The following CNKSR2 variants were observed in gnomAD, a reference collection of about 807,000 sequenced individuals.
CNKSR2 encodes the protein CNK homolog protein 2.
CNKSR2 carries 14 observed loss-of-function variants against 84.4 expected under a neutral mutation model. The observed-to-expected ratio is 0.17, with a 90% CI of 0.11 to 0.26. The LOEUF (loss-of-function observed/expected upper bound fraction) is 0.26. Ranked by LOEUF, CNKSR2 falls within the 10% of genes least tolerant of loss-of-function variation. The pLI is 1.00. For missense variants in CNKSR2, 485 were observed against 771.2 expected, an observed-to-expected ratio of 0.63 and a Z score of 4.40; for synonymous variants, 275 against 277.9, an observed-to-expected ratio of 0.99 and a Z score of 0.10.
At chrX:21,375,519 G>A (rs1181963329) in intron 1 of CNKSR2, among the ~76,000 whole-genome samples, 3 of 112,266 alleles carry the variant, frequency 2.7e-5, no homozygotes, top group Non-Finnish European at 5.6e-5. Context: ...TTTGGCTGAG[G>A]ATGCCCAGGG....
chrX:21,623,553 G>T (rs1480497309), intron 20 of CNKSR2, among the ~76,000 whole-genome samples: 1 of 111,615 alleles, frequency 9.0e-6, no homozygotes, highest in Non-Finnish European at 1.9e-5. Context: ...GATGCTCCTT[G>T]ATATTTTCAC....
chrX:21,558,572 C>T (rs2092159453), intron 11 of CNKSR2, among the ~76,000 whole-genome samples: 1 of 108,585 alleles, frequency 9.2e-6, no homozygotes, highest in South Asian at 3.8e-4. Flanking sequence ...AAGTCACCCC[C>T]GGAAAAGTCA....
intron 17 of CNKSR2, among the ~76,000 whole-genome samples, chrX:21,597,306 G>A (rs2092455839): frequency 9.0e-6 from 1 of 110,804 alleles, no homozygotes; most frequent in Non-Finnish European, 1.9e-5. Context: ...TATCTGGTTC[G>A]GGATATCGCA....
chrX:21,446,684 A>G (rs1449742081), intron 4 of CNKSR2, among the ~76,000 whole-genome samples: 2 of 111,510 alleles, frequency 1.8e-5, no homozygotes, highest in African/African-American at 6.5e-5. Flanking sequence ...GCATGTTATC[A>G]GAGTCGCCCT....
chrX:21,565,068 G>A (rs2092226369), intron 13 of CNKSR2, among the ~76,000 whole-genome samples: 1 of 111,459 alleles, frequency 9.0e-6, no homozygotes, highest in Non-Finnish European at 1.9e-5. Flanking sequence ...ACAAAAGTTT[G>A]AAGATGAGGG....
intron 20 of CNKSR2, among the ~76,000 whole-genome samples, chrX:21,646,325 T>G (rs1046628957): frequency 8.9e-6 from 1 of 112,129 alleles, no homozygotes; most frequent in African/African-American, 3.2e-5. Context: ...TGTTGTCTTT[T>G]GATTGAATGC....
intron 4 of CNKSR2, among the ~76,000 whole-genome samples, chrX:21,460,110 CATT>C (rs898086454): frequency 2.7e-5 from 3 of 112,075 alleles, no homozygotes; most frequent in East Asian, 5.6e-4. Flanking sequence ...GTGAAGTCAT[CATT>C]GTTGTTTTCT....
At chrX:21,398,805 G>A (rs971657326) in intron 1 of CNKSR2, among the ~76,000 whole-genome samples, 2 of 111,564 alleles carry the variant, frequency 1.8e-5, no homozygotes, top group African/African-American at 6.5e-5. Context: ...TTGAACCAGC[G>A]GTTTTGAGTT....
At chrX:21,534,061 T>C (rs1046294252) in intron 11 of CNKSR2, among the ~76,000 whole-genome samples, 1 of 110,021 alleles carries the variant, frequency 9.1e-6, no homozygotes, top group Non-Finnish European at 1.9e-5. Context: ...TTTATATCCA[T>C]TAACCAATCT....
chrX:21,543,675 A>T (rs766480465), intron 11 of CNKSR2, among the ~76,000 whole-genome samples: 2 of 112,255 alleles, frequency 1.8e-5, no homozygotes, highest in Admixed American at 1.9e-4. Flanking sequence ...TAGCTAATTG[A>T]CCTTGAGCTT....
rs1354214843 is a variant in CNKSR2, at chrX:21,526,966, A to T, written c.1057A>T (p.Ile353Phe). The T allele has an allele frequency of 1.1e-5, 13 of 1,205,756 alleles. No individual in the cohort carries two copies. The highest frequency in any genetic ancestry group is 2.3e-4 in the Middle Eastern group (1 of 4,331). The change falls in exon 10 of 22, where the codon ATT becomes TTT. Residue 353 changes from isoleucine (I) to phenylalanine (F), a missense_variant. Physicochemically the swap from Ile to Phe is conservative, Grantham distance 21. This residue lies in a region of CNKSR2 where 132 missense variants were observed against 166.7 expected (regional missense o/e 0.79). Coordinates refer to ENST00000379510, the MANE Select transcript of CNKSR2 (RefSeq NM_014927.5). ...CAGTTCTGCCCTCCAGGATCTCTAC[A>T]TTCCCCCTCCTCCTGCAGAACCATA... ...RDSSALQDLY[I>F]PPPPAEPYIP...
intron 18 of CNKSR2, 74 bp downstream of exon 18, chrX:21,601,423 C>A (rs1003490963): frequency 3.2e-6 from 2 of 629,186 alleles, no homozygotes; most frequent in Admixed American, 3.5e-5. Flanking sequence ...AAATTCATTG[C>A]TATCACTTGA....
intron 8 of CNKSR2, chrX:21,504,591 C>A: frequency 3.9e-6 from 1 of 253,712 alleles, no homozygotes; most frequent in African/African-American, 2.8e-5. Context: ...TAAATATTTC[C>A]CTAAGAGTCT....
At chrX:21,611,866 G>T (rs900084786) in intron 20 of CNKSR2, among the ~76,000 whole-genome samples, 12 of 111,566 alleles carry the variant, frequency 1.1e-4, no homozygotes, top group African/African-American at 3.9e-4. Context: ...ATTTCAGTCA[G>T]ATCTGCTTCA....
chrX:21,398,813 G>A (rs1291920018), intron 1 of CNKSR2, among the ~76,000 whole-genome samples: 1 of 111,987 alleles, frequency 8.9e-6, no homozygotes, highest in Non-Finnish European at 1.9e-5. Flanking sequence ...GCGGTTTTGA[G>A]TTCTTAATTT....
chrX:21,622,138 T>A (rs1375219656), intron 20 of CNKSR2, among the ~76,000 whole-genome samples: 1 of 111,301 alleles, frequency 9.0e-6, no homozygotes, highest in African/African-American at 3.3e-5. Flanking sequence ...GTTTGAAGAC[T>A]TTTTCTCTTG....
chrX:21,642,277 T>C, intron 20 of CNKSR2: 1 of 752,831 alleles, frequency 1.3e-6, no homozygotes, highest in Non-Finnish European at 1.6e-6. Context: ...GGCTTTATTA[T>C]AGAATCTTCA....
At chrX:21,635,016 C>T (rs991408631) in intron 20 of CNKSR2, among the ~76,000 whole-genome samples, 1 of 107,007 alleles carries the variant, frequency 9.3e-6, no homozygotes, top group Non-Finnish European at 1.9e-5. Flanking sequence ...GCTCCAGTAT[C>T]ATGTCATTCC....
rs775889372 is a variant in CNKSR2 at position 21,601,368 on chromosome X, A to T, written c.2044+19A>T. On this transcript the variant is annotated intron_variant, in intron 18 of 21. Coordinates refer to ENST00000379510, the MANE Select transcript of CNKSR2 (RefSeq NM_014927.5). ...GAACAAGGTAAAGGAATACTTTTTT[A>T]AAATAATTATGTTATACTTTTTTTC... 4.1e-5 allele frequency: 41 copies of T among 1,004,540 alleles called. No individual in the cohort carries two copies. The highest frequency in any genetic ancestry group is 5.4e-5 in the Non-Finnish European group (39 of 721,914). 82.8% of individuals were successfully genotyped at this position (1,004,540 alleles called of 1,213,427 possible).
Sources: allele counts gnomAD v4.1 joint callset (sites outside exome capture counted in the v4.1 genomes callset), GRCh38; gene constraint gnomAD v4.1.1; regional missense constraint gnomAD v4.1.1; transcripts MANE v1.5; gene names NCBI Gene and HGNC (gene_info 2026-07-23, HGNC 2026-07-21).